The following CSNK2A2 variants were observed in gnomAD, a reference collection of about 807,000 sequenced individuals.
The protein encoded by CSNK2A2 is casein kinase 2 alpha 2.
A neutral mutation model predicts 54.0 loss-of-function variants in CSNK2A2; 8 were observed. The observed-to-expected ratio is 0.15, with a 90% confidence interval of 0.09 to 0.27. The LOEUF is 0.27. Ranked by LOEUF, CSNK2A2 falls within the 10% of genes least tolerant of loss-of-function variation. The probability of loss-of-function intolerance (pLI) is 1.00; values close to 1 mark genes in which losing one functional copy is unlikely to be tolerated. For synonymous variants in CSNK2A2, 141 were observed against 153.9 expected, an observed-to-expected ratio of 0.92 and a Z score of 0.62; for missense variants, 242 against 439.4, an observed-to-expected ratio of 0.55 and a Z score of 4.02.
chr16:58,193,428 T>A (rs1962363043), intron 2 of CSNK2A2, among the ~76,000 whole-genome samples: 1 of 152,204 alleles, frequency 6.6e-6, no homozygotes, highest in Non-Finnish European at 1.5e-5. Flanking sequence ...ATAATTAATA[T>A]CTAGGGGAAA....
chr16:58,188,385 A>G (rs966837788), intron 2 of CSNK2A2, among the ~76,000 whole-genome samples: 3 of 152,344 alleles, frequency 2.0e-5, no homozygotes, highest in Non-Finnish European at 4.4e-5. Flanking sequence ...CTTTGGGGGA[A>G]AAAAGCACTG....
chr16:58,169,296 T>C (rs930299676), intron 5 of CSNK2A2, among the ~76,000 whole-genome samples: 1 of 151,502 alleles, frequency 6.6e-6, no homozygotes, highest in African/African-American at 2.4e-5. Flanking sequence ...TCCTAGCACT[T>C]TGGGAGGCCG....
At position 58,197,709 on chromosome 16, in the gene CSNK2A2, C is replaced by T; in HGVS notation, c.28G>A (p.Ala10Thr). Reference sequence around the variant, plus strand: ...CTGTTCACCTCGGCGTAGACCCGGGCCCTGCTGCCCGCGGCCGGGCCGGGC... The same window carrying T: ...CTGTTCACCTCGGCGTAGACCCGGGTCCTGCTGCCCGCGGCCGGGCCGGGC... MPGPAAGSR[A>T]RVYAEVNSLR... is the part of the protein sequence containing the mutation. Residue 10 changes from alanine (A) to threonine (T), a missense_variant, in exon 1 of 12, where the codon GCC (alanine) becomes ACC (threonine). Physicochemically the swap from Ala to Thr is moderately conservative, Grantham distance 58. Around this residue, in one of 5 missense-constraint regions of CSNK2A2, gnomAD observed 48 missense variants for 55.4 expected, o/e 0.87. Coordinates refer to ENST00000262506, the MANE Select transcript of CSNK2A2 (RefSeq NM_001896.4). The surrounding 1 kb of genome is among the most constrained non-coding windows in gnomAD (Gnocchi z 4.0). 1 of 1,507,978 alleles carries T rather than the reference C, an allele frequency of 6.6e-7. No individual in the cohort carries two copies. Among genetic ancestry groups the T allele is most frequent in the Non-Finnish European group, 8.9e-7 (1 of 1,127,534 alleles). The allele number at this position is 1,507,978 out of a possible 1,614,324, so 93.4% of individuals were successfully genotyped here. A position where few individuals can be genotyped will look rare whatever the true frequency, so the allele number is the denominator to read the frequency against.
intron 4 of CSNK2A2, among the ~76,000 whole-genome samples, chr16:58,178,282 G>A (rs992019875): frequency 1.8e-4 from 27 of 149,950 alleles, no homozygotes; most frequent in African/African-American, 6.2e-4. Flanking sequence ...CTCTTGAGGC[G>A]CTTTTTTTTT....
chr16:58,175,652 A>G (rs1320429323), intron 4 of CSNK2A2, among the ~76,000 whole-genome samples: 1 of 152,214 alleles, frequency 6.6e-6, no homozygotes, highest in East Asian at 1.9e-4. Flanking sequence ...ACCATTTTAT[A>G]TTTTTGATCC....
intron 5 of CSNK2A2, among the ~76,000 whole-genome samples, chr16:58,173,553 C>T (rs1201085363): frequency 6.6e-6 from 1 of 152,220 alleles, no homozygotes; most frequent in African/African-American, 2.4e-5. Flanking sequence ...CATTCCTCCA[C>T]CAACCAGTAA....
rs1962507217 is a variant in CSNK2A2, at chr16:58,197,695, G to A, written c.42C>T (p.Ala14=). Residue 14 remains alanine, a synonymous_variant, in exon 1 of 12, where the codon GCC becomes GCT. Coordinates refer to ENST00000262506, the MANE Select transcript of CSNK2A2 (RefSeq NM_001896.4). The surrounding 1 kb of genome is among the most constrained non-coding windows in gnomAD (Gnocchi z 4.0). ...CGCGGCTCCTCAGACTGTTCACCTC[G>A]GCGTAGACCCGGGCCCTGCTGCCCG... ...PAAGSRARVY[A]EVNSLRSREY... The A allele has an allele frequency of 1.9e-6, 3 of 1,550,316 alleles. No individual in the cohort carries two copies. Among genetic ancestry groups the A allele is most frequent in the South Asian group, 1.2e-5 (1 of 84,470 alleles).
intron 10 of CSNK2A2, 73 bp from the exon 11 acceptor site, chr16:58,164,220 C>A (rs1414391564): frequency 1.1e-5 from 15 of 1,401,082 alleles, no homozygotes; most frequent in Non-Finnish European, 1.5e-5. Flanking sequence ...CAAACCCACC[C>A]TTTCAACGGA....
intron 6 of CSNK2A2, among the ~76,000 whole-genome samples, chr16:58,168,118 T>G (rs1961619789): frequency 6.6e-6 from 1 of 152,104 alleles, no homozygotes; most frequent in Admixed American, 6.6e-5. Context: ...ATTCATAGCT[T>G]TTCGTTATAA....
intron 8 of CSNK2A2, 41 bp downstream of exon 8, chr16:58,167,166 T>C (rs766375737): frequency 4.7e-6 from 7 of 1,477,058 alleles, no homozygotes; most frequent in South Asian, 1.2e-5. Context: ...TTTTTTGGCA[T>C]TCACCCCCAA....
chr16:58,190,617 G>A (rs1387337508), intron 2 of CSNK2A2, among the ~76,000 whole-genome samples: 1 of 152,104 alleles, frequency 6.6e-6, no homozygotes, highest in Non-Finnish European at 1.5e-5. Context: ...TACTCCTTGA[G>A]GGTAACTGTT....
At chr16:58,166,491 A>G in intron 9 of CSNK2A2, 93 bp downstream of exon 9, 1 of 785,650 alleles carries the variant, frequency 1.3e-6, no homozygotes, top group South Asian at 1.7e-5. Context: ...CCATTTTACT[A>G]TAATCAGAAT....
chr16:58,161,526 G>GACACACAC (rs1164766819), intron 11 of CSNK2A2: 11 of 107,540 alleles, frequency 1.0e-4, no homozygotes, highest in African/African-American at 6.8e-4. Context: ...TAGACACACA[G>GACACACAC]ACACACACAC....
chr16:58,181,779 CAG>C (rs1962049657), intron 4 of CSNK2A2, among the ~76,000 whole-genome samples: 1 of 151,978 alleles, frequency 6.6e-6, no homozygotes, highest in African/African-American at 2.4e-5. Flanking sequence ...TTCCAAAACA[CAG>C]GGGAAAAAGC....
In CSNK2A2 at chr16:58,184,974, A is replaced by T. The variant is rs527673409; in HGVS notation, c.319-664T>A. The stretch of plus-strand genomic sequence containing the variant: ...CAGACCTGTTCCTAAAAACTCATAT[A>T]TAATCAAATATTTTTAAAGCACTAT... On this transcript the variant is annotated intron_variant, in intron 3 of 11. Coordinates refer to ENST00000262506, the MANE Select transcript of CSNK2A2 (RefSeq NM_001896.4). 4.6e-5 allele frequency among the ~76,000 whole-genome samples: 7 copies of T among 152,356 alleles called. No individual in the cohort carries two copies. The South Asian group carries it at 1.4e-3, about 32-fold the overall frequency.
At chr16:58,159,396 A>G (rs966162103) in intron 11 of CSNK2A2, among the ~76,000 whole-genome samples, 1 of 152,226 alleles carries the variant, frequency 6.6e-6, no homozygotes, top group Non-Finnish European at 1.5e-5. Context: ...GCAAGTACAT[A>G]AAAACGGAAC....
At position 58,186,739 on chromosome 16, in the gene CSNK2A2, A is replaced by G. The variant is rs371037681; in HGVS notation, c.318+16T>C. 3 of 1,603,674 alleles carry G rather than the reference A, an allele frequency of 1.9e-6. No homozygotes were observed. Among genetic ancestry groups the G allele is most frequent in the South Asian group, 1.1e-5 (1 of 90,652 alleles). On this transcript the variant is annotated intron_variant, in intron 3 of 11. Coordinates refer to ENST00000262506, the MANE Select transcript of CSNK2A2 (RefSeq NM_001896.4). ...CCCGGTCTACTAGTATACTCCCCCAACCATTTGGCACCTACCACGGGGTCC... is the reference window on the plus strand; with the variant it reads ...CCCGGTCTACTAGTATACTCCCCCAGCCATTTGGCACCTACCACGGGGTCC...
intron 2 of CSNK2A2, among the ~76,000 whole-genome samples, chr16:58,194,249 A>C (rs1962380282): frequency 6.6e-6 from 1 of 152,230 alleles, no homozygotes. Flanking sequence ...TTAAGGACCT[A>C]ATTTCCTATG....
Position 58,197,573 on chromosome 16 carries a change from G to A in CSNK2A2, c.104+60C>T. On this transcript the variant is annotated intron_variant, in intron 1 of 11. Coordinates refer to ENST00000262506, the MANE Select transcript of CSNK2A2 (RefSeq NM_001896.4). The surrounding 1 kb of genome is among the most constrained non-coding windows in gnomAD (Gnocchi z 4.0). Reference sequence around the variant, plus strand: ...CCACCGGGCCCGAGTGCGGTTCGCAGGGGGTGGCCGGGCGGGGGCAGGGAT... The same window carrying A: ...CCACCGGGCCCGAGTGCGGTTCGCAAGGGGTGGCCGGGCGGGGGCAGGGAT... 1 of 1,249,060 alleles carries A rather than the reference G, an allele frequency of 8.0e-7. No individual in the cohort carries two copies. Among genetic ancestry groups the A allele is most frequent in the Non-Finnish European group, 1.1e-6 (1 of 905,350 alleles). 77.4% of individuals were successfully genotyped at this position (1,249,060 alleles called of 1,614,324 possible).
Sources: gnomAD v4.1 joint callset for allele counts (sites outside exome capture counted in the v4.1 genomes callset) on GRCh38, gnomAD v4.1.1 for gene constraint, gnomAD v4.1.1 regional missense constraint, Gnocchi (gnomAD v3.1) non-coding constraint, MANE v1.5 for transcripts, NCBI Gene and HGNC (gene_info 2026-07-23, HGNC 2026-07-21) for gene names.